The following ANKRD17 variants were observed in gnomAD, a reference collection of about 807,000 sequenced individuals.
ANKRD17 encodes ankyrin repeat domain 17.
Under a neutral mutation model 229.7 loss-of-function variants are expected in ANKRD17, and 19 were observed. The ratio of observed to expected loss-of-function variants is 0.08; its 90% CI spans 0.06 to 0.12. ANKRD17 has a LOEUF of 0.12. Ranked by LOEUF, ANKRD17 falls within the 10% of genes least tolerant of loss-of-function variation. The probability of loss-of-function intolerance (pLI) is 1.00; values close to 1 mark genes in which losing one functional copy is unlikely to be tolerated. For synonymous variants in ANKRD17, 1,112 were observed against 1,146.1 expected, an observed-to-expected ratio of 0.97 and a Z score of 0.60; for missense variants, 2,176 against 3,176.8, an observed-to-expected ratio of 0.68 and a Z score of 7.57.
chr4:73,228,861 C>T (rs929377157), intron 1 of ANKRD17, among the ~76,000 whole-genome samples: 2 of 152,144 alleles, frequency 1.3e-5, no homozygotes, highest in Admixed American at 1.3e-4. Flanking sequence ...CTATTCACAA[C>T]AGCAAAGACT....
At chr4:73,235,089 G>C (rs1743383434) in intron 1 of ANKRD17, among the ~76,000 whole-genome samples, 1 of 152,092 alleles carries the variant, frequency 6.6e-6, no homozygotes, top group Non-Finnish European at 1.5e-5. Context: ...ACCTGTAGTG[G>C]ACTGTGAACT....
At chr4:73,136,339 C>T (rs1459321956) in intron 15 of ANKRD17, among the ~76,000 whole-genome samples, 2 of 152,012 alleles carry the variant, frequency 1.3e-5, no homozygotes, top group East Asian at 3.9e-4. Context: ...GGATCTGAAA[C>T]CAGGCAAAAG....
chr4:73,254,029 A>G (rs1211138983), intron 1 of ANKRD17, among the ~76,000 whole-genome samples: 1 of 152,228 alleles, frequency 6.6e-6, no homozygotes, highest in Non-Finnish European at 1.5e-5. Context: ...CTACTGCTTC[A>G]AAGATCTTAA....
intron 24 of ANKRD17, among the ~76,000 whole-genome samples, chr4:73,110,966 T>C (rs2148650642): frequency 6.6e-6 from 1 of 152,290 alleles, no homozygotes; most frequent in Middle Eastern, 3.4e-3. Flanking sequence ...GTATAAACAT[T>C]AAGGTTAAAT....
chr4:73,112,705 G>A (rs1033979703), intron 24 of ANKRD17: 16 of 766,100 alleles, frequency 2.1e-5, no homozygotes, highest in African/African-American at 7.6e-5. Context: ...GTCAAAAAAC[G>A]CATATGCATA....
chr4:73,154,656 T>A (rs1161524184), intron 5 of ANKRD17, among the ~76,000 whole-genome samples: 1 of 152,148 alleles, frequency 6.6e-6, no homozygotes, highest in Admixed American at 6.5e-5. Flanking sequence ...TTTCTGCTGA[T>A]AAAAATTTCC....
chr4:73,090,152 G>A (rs1263590483), intron 29 of ANKRD17, among the ~76,000 whole-genome samples: 1 of 152,194 alleles, frequency 6.6e-6, no homozygotes, highest in Non-Finnish European at 1.5e-5. Flanking sequence ...GCTCACGCCT[G>A]TAATCCTAGC....
chr4:73,205,968 T>A (rs1238241253), intron 1 of ANKRD17, among the ~76,000 whole-genome samples: 3 of 152,090 alleles, frequency 2.0e-5, no homozygotes, highest in East Asian at 3.9e-4. Flanking sequence ...ACATGGCCAA[T>A]GGATGTGGAA....
chr4:73,082,175 AG>A (rs1295374094), intron 30 of ANKRD17, among the ~76,000 whole-genome samples: 1 of 113,534 alleles, frequency 8.8e-6, no homozygotes, highest in African/African-American at 3.5e-5. Context: ...AAAAAAAAAA[AG>A]GGGGGCCAAG....
chr4:73,172,431 T>C (rs966952146), intron 2 of ANKRD17, among the ~76,000 whole-genome samples: 9 of 152,148 alleles, frequency 5.9e-5, no homozygotes, highest in African/African-American at 2.2e-4. Context: ...ATTTCTTTAA[T>C]CAGAAAGAAA....
Position 73,156,061 on chromosome 4 carries a change from G to A in ANKRD17, c.810C>T (p.Leu270=), listed in dbSNP as rs773736857. 30 of 1,611,926 alleles carry A rather than the reference G, an allele frequency of 1.9e-5. No homozygotes were observed. The highest frequency in any genetic ancestry group is 8.4e-5 in the Admixed American group (5 of 59,380). Residue 270 remains leucine, a synonymous_variant, in exon 4 of 34, where the codon CTC becomes CTT. Coordinates refer to ENST00000358602, the MANE Select transcript of ANKRD17 (RefSeq NM_032217.5). ...VNEHTEEGES[L]LCLACSAGYY... ...ATCCAGCAGAACAAGCTAAACAAAG[G>A]AGGCTCTCCCCTTCCTCTGTGTGTT...
At chr4:73,112,272 TCA>T (rs980906668) in intron 24 of ANKRD17, among the ~76,000 whole-genome samples, 1 of 152,210 alleles carries the variant, frequency 6.6e-6, no homozygotes, top group African/African-American at 2.4e-5. Flanking sequence ...TGTCTTTGTT[TCA>T]CAGTTTAAAC....
At chr4:73,115,594 G>C (rs1725851088) in intron 23 of ANKRD17, among the ~76,000 whole-genome samples, 1 of 151,956 alleles carries the variant, frequency 6.6e-6, no homozygotes, top group Non-Finnish European at 1.5e-5. Flanking sequence ...CTGGCCTCAA[G>C]TATTATTTTT....
At chr4:73,144,668 C>T in intron 11 of ANKRD17, 77 bp downstream of exon 11, 1 of 956,060 alleles carries the variant, frequency 1.0e-6, no homozygotes, top group Non-Finnish European at 1.5e-6. Context: ...CTTCAAAAGA[C>T]CTTTACCCTT....
rs770156026 is a variant in ANKRD17 at position 73,118,872 on chromosome 4, A to G, written c.4026-22T>C. 8 of 1,268,780 alleles carry G rather than the reference A, an allele frequency of 6.3e-6. 1 individual carries two copies. In the South Asian group the frequency reaches 6.5e-5, roughly 10 times the overall value. The allele number at this position is 1,268,780 out of a possible 1,614,324, so 78.6% of individuals were successfully genotyped here. On this transcript the variant is annotated intron_variant, in intron 21 of 33. Transcript: ENST00000358602. ...TCCCCTAAAAACCAATGACACAGAT[A>G]GCATTGTCTTTTTTTTTTTTTTTTT...
At chr4:73,177,662 T>G (rs1009964104) in intron 1 of ANKRD17, 129 bp from the exon 2 acceptor site, 1 of 652,730 alleles carries the variant, frequency 1.5e-6, no homozygotes, top group Non-Finnish European at 2.5e-6. Flanking sequence ...GTAAACACAG[T>G]GCAACCCTAA....
chr4:73,204,030 GA>G (rs1739083038), intron 1 of ANKRD17, among the ~76,000 whole-genome samples: 2 of 151,946 alleles, frequency 1.3e-5, no homozygotes, highest in Admixed American at 6.6e-5. Context: ...AGGAAAACCA[GA>G]AATCACATGA....
chr4:73,094,925 C>T (rs932798593), intron 27 of ANKRD17, among the ~76,000 whole-genome samples: 4 of 152,086 alleles, frequency 2.6e-5, no homozygotes, highest in African/African-American at 7.2e-5. Context: ...AATCCCAGCA[C>T]TTTGGGAGGC....
intron 1 of ANKRD17, among the ~76,000 whole-genome samples, chr4:73,212,621 ATG>A (rs1196848707): frequency 6.6e-6 from 1 of 152,162 alleles, no homozygotes; most frequent in Non-Finnish European, 1.5e-5. Flanking sequence ...ACTTGTGCAG[ATG>A]TGATACAAAA....
Sources: allele counts gnomAD v4.1 joint callset (sites outside exome capture counted in the v4.1 genomes callset), GRCh38; gene constraint gnomAD v4.1.1; transcripts MANE v1.5; gene names NCBI Gene and HGNC (gene_info 2026-07-23, HGNC 2026-07-21).